The following ZNF469 variants were observed in gnomAD, a reference collection of about 807,000 sequenced individuals.
The protein encoded by ZNF469 is zinc finger protein 469.
Under a neutral mutation model 1.0 loss-of-function variants are expected in ZNF469, and 1 was observed. The observed-to-expected ratio is 1.00, with a 90% CI of 0.35 to 4.73. ZNF469 has a LOEUF of 4.73. Ranked by LOEUF, ZNF469 falls within the 30% of genes most tolerant of loss-of-function variation. The pLI is 0.16. For synonymous variants in ZNF469, 2,703 were observed against 2,363.4 expected, an observed-to-expected ratio of 1.14 and a Z score of -4.17; for missense variants, 6,100 against 5,356.3, an observed-to-expected ratio of 1.14 and a Z score of -4.33.
At chr16:88,187,653 A>G in the ZNF469 span, among the ~76,000 whole-genome samples, 1 of 151,874 alleles carries the variant, frequency 6.6e-6, no homozygotes, top group African/African-American at 2.4e-5. Context: ...ACGCTGGAAG[A>G]ATCCCAAATG....
chr16:88,437,694 C>G lies in ZNF469; in HGVS notation c.10224C>G (p.Ala3408=), dbSNP rs752225566. 1.3e-6 allele frequency: 2 copies of G among 1,549,638 alleles called. No individual in the cohort carries two copies. The highest frequency in any genetic ancestry group is 2.7e-5 in the African/African-American group (2 of 73,030). ...CGCTGTATGCCTGCGAGCTCTGCGCCACGGTTATGCGCATCATCAAGAAGT... is the reference window on the plus strand; with the variant it reads ...CGCTGTATGCCTGCGAGCTCTGCGCGACGGTTATGCGCATCATCAAGAAGT... ...HTPLYACELC[A]TVMRIIKKSF... The change falls in exon 3 of 3, where the codon GCC becomes GCG. Residue 3408 remains alanine, a synonymous_variant. Transcript: ENST00000565624.
chr16:88,217,104 T>A, the ZNF469 span, among the ~76,000 whole-genome samples: 2 of 152,208 alleles, frequency 1.3e-5, no homozygotes, highest in Non-Finnish European at 2.9e-5. Flanking sequence ...TCTTGGTTTT[T>A]GGTCGTGTGG....
At position 88,430,747 on chromosome 16, in the gene ZNF469, G is replaced by A. The variant is rs973227993; in HGVS notation, c.3277G>A (p.Asp1093Asn). ...GAEDRRLREYDFASESEEDEQ... is the reference protein window; with the variant it reads ...GAEDRRLREYNFASESEEDEQ... ...TGAGGACCGCAGGCTCCGCGAGTAC[G>A]ACTTCGCCTCGGAGTCCGAGGAGGA... The change falls in exon 3 of 3, where the codon GAC (aspartate) becomes AAC (asparagine). Residue 1093 changes from aspartate to asparagine, a missense_variant. Asp to Asn is a conservative substitution (Grantham distance 23). Transcript: ENST00000565624. 17 of 1,503,840 alleles carry A rather than the reference G, an allele frequency of 1.1e-5. No individual in the cohort carries two copies. The highest frequency in any genetic ancestry group is 2.2e-5 in the Admixed American group (1 of 45,894). The allele number at this position is 1,503,840 out of a possible 1,614,324, so 93.2% of individuals were successfully genotyped here.
chr16:88,121,995 G>A, the ZNF469 span, among the ~76,000 whole-genome samples: 971 of 144,276 alleles, frequency 6.7e-3, 9 homozygotes, highest in Middle Eastern at 0.042. Flanking sequence ...TCCGTCACTC[G>A]CTACGGCCAC....
chr16:88,206,208 A>G, the ZNF469 span, among the ~76,000 whole-genome samples: 2 of 152,192 alleles, frequency 1.3e-5, no homozygotes, highest in Non-Finnish European at 2.9e-5. Context: ...TTTCTTCAAC[A>G]GCAGCGCCGG....
Position 88,428,472 on chromosome 16 carries a change from C to T in ZNF469, c.1002C>T (p.Pro334=), listed in dbSNP as rs1487120874. 6.5e-7 allele frequency: 1 copy of T among 1,549,234 alleles called. No homozygotes were observed. The highest frequency in any genetic ancestry group is 8.7e-7 in the Non-Finnish European group (1 of 1,146,790). The part of the protein sequence containing the change: ...YPLPTQPAPS[P]LPCYQGQPGG... Reference sequence around the variant, plus strand: ...TGCCCACCCAGCCTGCGCCCTCACCCCTGCCCTGCTACCAGGGCCAGCCAG... The same window carrying T: ...TGCCCACCCAGCCTGCGCCCTCACCTCTGCCCTGCTACCAGGGCCAGCCAG... The change falls in exon 3 of 3, where the codon CCC becomes CCT. Residue 334 remains proline (P), a synonymous_variant. Coordinates refer to ENST00000565624, the MANE Select transcript of ZNF469 (RefSeq NM_001367624.2).
the ZNF469 span, among the ~76,000 whole-genome samples, chr16:88,197,563 T>G: frequency 6.6e-6 from 1 of 152,206 alleles, no homozygotes; most frequent in Admixed American, 6.5e-5. Flanking sequence ...ATTGTATTAG[T>G]CATCCACTGC....
intron 2 of ZNF469, among the ~76,000 whole-genome samples, 75 bp from the exon 3 acceptor site, chr16:88,427,270 G>A (rs890769039): frequency 6.6e-6 from 1 of 152,156 alleles, no homozygotes; most frequent in African/African-American, 2.4e-5. Flanking sequence ...CCCGCATGGA[G>A]AGCCTAGAAG....
chr16:88,145,528 G>A, the ZNF469 span, among the ~76,000 whole-genome samples: 1 of 152,274 alleles, frequency 6.6e-6, no homozygotes, highest in African/African-American at 2.4e-5. Context: ...GCCGCTGTTG[G>A]TGCAGAGGTG....
Position 88,431,467 on chromosome 16 carries a change from A to G in ZNF469, c.3997A>G (p.Asn1333Asp). Residue 1333 changes from asparagine to aspartate, a missense_variant, in exon 3 of 3, where the codon AAC (asparagine) becomes GAC (aspartate). Transcript: ENST00000565624. ...TGGAGAATTTCTGGCACCCGTGGCTAACCCCTCAAGTACCGCCTGCCCCAA... is the reference window on the plus strand; with the variant it reads ...TGGAGAATTTCTGGCACCCGTGGCTGACCCCTCAAGTACCGCCTGCCCCAA... Reference protein sequence around the residue: ...QPGEFLAPVANPSSTACPKPS... With the variant: ...QPGEFLAPVADPSSTACPKPS... 2 of 1,550,370 alleles carry G rather than the reference A, an allele frequency of 1.3e-6. No individual in the cohort carries two copies. Among genetic ancestry groups the G allele is most frequent in the South Asian group, 2.4e-5 (2 of 84,068 alleles).
chr16:88,266,816 G>C, the ZNF469 span, among the ~76,000 whole-genome samples: 1 of 152,036 alleles, frequency 6.6e-6, no homozygotes, highest in Non-Finnish European at 1.5e-5. Context: ...CTTGCAGAGA[G>C]TTCCATCCTT....
the ZNF469 span, among the ~76,000 whole-genome samples, chr16:88,269,455 T>C: frequency 6.6e-6 from 1 of 152,054 alleles, no homozygotes; most frequent in Non-Finnish European, 1.5e-5. Flanking sequence ...CTGCAGCACA[T>C]TCTTTTTCTT....
the ZNF469 span, among the ~76,000 whole-genome samples, chr16:88,252,932 G>C: frequency 6.6e-6 from 1 of 152,160 alleles, no homozygotes; most frequent in East Asian, 1.9e-4. Context: ...GCCTTTTCTT[G>C]AACTTCCTTT....
chr16:88,409,738 G>A (rs1007732539), intron 1 of ZNF469, among the ~76,000 whole-genome samples: 1 of 152,178 alleles, frequency 6.6e-6, no homozygotes, highest in Admixed American at 6.5e-5. Flanking sequence ...ACAAAGCTCG[G>A]TAAAGCAGGC....
upstream of ZNF469, among the ~76,000 whole-genome samples, chr16:88,381,455 T>G (rs903091723): frequency 2.6e-5 from 4 of 151,930 alleles, no homozygotes; most frequent in South Asian, 4.1e-4. Flanking sequence ...GAAATTGAAG[T>G]CTTTCTTAGA....
the ZNF469 span, among the ~76,000 whole-genome samples, chr16:88,332,718 A>G: frequency 2.0e-5 from 3 of 151,816 alleles, no homozygotes; most frequent in African/African-American, 7.3e-5. Context: ...AGGATGGGGG[A>G]GGGGGGGCTG....
rs559625962 is a variant in ZNF469, at chr16:88,431,846, T to G, written c.4376T>G (p.Leu1459Arg). ...TLESSSLFPD[L>R]PVDRFDPPLY... ...GAGTCCTCATCCCTCTTCCCAGACC[T>G]GCCGGTGGACAGATTCGACCCACCC... The change falls in exon 3 of 3, where the codon CTG (leucine) becomes CGG (arginine). Residue 1459 changes from leucine to arginine, a missense_variant. Transcript: ENST00000565624. 700 of 1,550,038 alleles carry G rather than the reference T, an allele frequency of 4.5e-4. 6 individuals are homozygous for G. The Middle Eastern group carries it at 7.3e-3, about 16-fold the overall frequency.
chr16:88,314,662 G>C, the ZNF469 span, among the ~76,000 whole-genome samples: 2 of 150,346 alleles, frequency 1.3e-5, no homozygotes, highest in Non-Finnish European at 2.9e-5. Flanking sequence ...GTGCTGGTGT[G>C]GGCTGTCTCT....
the ZNF469 span, among the ~76,000 whole-genome samples, chr16:88,371,837 TCAC>T: frequency 6.7e-6 from 1 of 149,906 alleles, no homozygotes; most frequent in Non-Finnish European, 1.5e-5. Context: ...ACCACCATTA[TCAC>T]CACCATCACC....
Sources: gnomAD v4.1 joint callset for allele counts (sites outside exome capture counted in the v4.1 genomes callset) on GRCh38, gnomAD v4.1.1 for gene constraint, MANE v1.5 for transcripts, NCBI Gene and HGNC (gene_info 2026-07-23, HGNC 2026-07-21) for gene names.